The following KIZ variants were observed in gnomAD, a reference collection of about 807,000 sequenced individuals.
The protein encoded by KIZ is centrosomal protein kizuna.
KIZ carries 68 observed loss-of-function variants against 79.6 expected under a neutral mutation model. The ratio of observed to expected loss-of-function variants is 0.85; its 90% CI spans 0.70 to 1.05. The LOEUF is 1.05. Ranked by LOEUF, KIZ falls within the 50% of genes least tolerant of loss-of-function variation. The pLI, the probability that KIZ is intolerant of heterozygous loss-of-function variation, is 0.00. For missense variants in KIZ, 797 were observed against 800.4 expected, an observed-to-expected ratio of 1.00 and a Z score of 0.05; for synonymous variants, 280 against 281.8, an observed-to-expected ratio of 0.99 and a Z score of 0.06.
chr20:21,174,125 A>G (rs1285296988), intron 6 of KIZ, among the ~76,000 whole-genome samples: 3 of 152,208 alleles, frequency 2.0e-5, no homozygotes, highest in African/African-American at 7.2e-5. Flanking sequence ...CAGGTCACAG[A>G]GGTGCAGCTA....
chr20:21,163,755 G>T (rs2033804245), intron 6 of KIZ, among the ~76,000 whole-genome samples: 1 of 152,164 alleles, frequency 6.6e-6, no homozygotes, highest in African/African-American at 2.4e-5. Context: ...ATACATTTGA[G>T]AACTTATATT....
At position 21,162,068 on chromosome 20, in the gene KIZ, TA is replaced by T. The variant is rs1442315057; in HGVS notation, c.605del (p.Asn202MetfsTer2). On this transcript the variant is annotated frameshift_variant, in exon 5 of 13. Coordinates refer to ENST00000619189, the MANE Select transcript of KIZ (RefSeq NM_018474.6). LOFTEE classifies it high-confidence loss of function. ...CACACCGACAGACAGCCCAGAGCAG[TA>T]ATGTGACAGACAGCTGTGTAGTACA... ...HSHRQTAQSS[N>X]VTDSCVVQTS... 1.2e-6 allele frequency: 2 copies of T among 1,613,820 alleles called. No homozygotes were observed. The highest frequency in any genetic ancestry group is 2.2e-5 in the South Asian group (2 of 91,072).
At chr20:21,155,910 A>T (rs988438365) in intron 4 of KIZ, among the ~76,000 whole-genome samples, 2 of 152,120 alleles carry the variant, frequency 1.3e-5, no homozygotes, top group African/African-American at 4.8e-5. Flanking sequence ...TTTCCTTATT[A>T]TGATGGATTT....
intron 6 of KIZ, among the ~76,000 whole-genome samples, chr20:21,168,178 T>A (rs1478664669): frequency 1.4e-4 from 21 of 152,202 alleles, no homozygotes; most frequent in Non-Finnish European, 3.1e-4. Flanking sequence ...GTGTTTGGTT[T>A]TTTGTCCTTG....
chr20:21,209,179 A>C (rs1444241100), intron 7 of KIZ, among the ~76,000 whole-genome samples: 1 of 152,164 alleles, frequency 6.6e-6, no homozygotes, highest in African/African-American at 2.4e-5. Context: ...ATACATCATC[A>C]AAGCCGCAGA....
rs6035804 is a variant in KIZ, at chr20:21,173,632, G to T, written c.1352+10473G>T. On this transcript the variant is annotated intron_variant, in intron 6 of 12. Transcript: ENST00000619189. ...GCTGGATTCTTTATGGATTGGGTGT[G>T]GGTTATAAGAGAAAGGGAGTAGAAG... is the stretch of plus-strand genomic sequence containing the variant. Among the ~76,000 whole-genome samples, 36 of 149,058 alleles carry T rather than the reference G, an allele frequency of 2.4e-4. No individual in the cohort carries two copies. The South Asian group carries it at 4.8e-3, about 20-fold the overall frequency.
chr20:21,133,451 G>A (rs550060085), intron 2 of KIZ, among the ~76,000 whole-genome samples: 1 of 152,350 alleles, frequency 6.6e-6, no homozygotes, highest in South Asian at 2.1e-4. Flanking sequence ...AAGATTGTGT[G>A]TAGACGTTTC....
rs1214148869 is a variant in KIZ at position 21,163,233 on chromosome 20, A to G, written c.1352+74A>G. On this transcript the variant is annotated intron_variant, in intron 6 of 12. Coordinates refer to ENST00000619189, the MANE Select transcript of KIZ (RefSeq NM_018474.6). ...CATTTCTAGAGACCATTCCACTGGG[A>G]ATGTATTATCGAGCACTCAGCCATG... 12 of 1,023,964 alleles carry G rather than the reference A, an allele frequency of 1.2e-5. No individual in the cohort carries two copies. In the Admixed American group the frequency reaches 1.8e-4, roughly 15 times the overall value. The allele number at this position is 1,023,964 out of a possible 1,614,324, so 63.4% of individuals were successfully genotyped here.
At chr20:21,245,472 T>C (rs1436551762) in intron 12 of KIZ, 2 of 152,260 alleles carry the variant, frequency 1.3e-5, no homozygotes, top group Admixed American at 1.3e-4. Context: ...AATGGAAACA[T>C]TAATACTTAC....
chr20:21,183,155 G>A (rs2034730059), intron 6 of KIZ, among the ~76,000 whole-genome samples: 1 of 152,220 alleles, frequency 6.6e-6, no homozygotes, highest in Admixed American at 6.5e-5. Context: ...TGAATCTGGA[G>A]ACAACTCTAC....
Position 21,161,923 on chromosome 20 carries a change from A to G in KIZ, c.458A>G (p.Tyr153Cys), listed in dbSNP as rs1322398340. Reference protein sequence around the residue: ...NSGTAMSRGLYQPATIFMGRQ... With the variant: ...NSGTAMSRGLCQPATIFMGRQ... ...GGAACAGCCATGTCAAGAGGATTGTATCAACCAGCAACAATCTTTATGGGC... is the reference window on the plus strand; with the variant it reads ...GGAACAGCCATGTCAAGAGGATTGTGTCAACCAGCAACAATCTTTATGGGC... The change falls in exon 5 of 13, where the codon TAT becomes TGT. Residue 153 changes from tyrosine (Y) to cysteine (C), a missense_variant. Physicochemically the swap from Tyr to Cys is radical, Grantham distance 194. Transcript: ENST00000619189. 10 of 1,612,776 alleles carry G rather than the reference A, an allele frequency of 6.2e-6. No homozygotes were observed. The South Asian group carries it at 1.1e-4, about 18-fold the overall frequency.
chr20:21,199,083 G>A (rs367715644), intron 6 of KIZ, among the ~76,000 whole-genome samples: 1 of 152,136 alleles, frequency 6.6e-6, no homozygotes, highest in East Asian at 1.9e-4. Context: ...ATAATTCTCT[G>A]CGCAAACTGA....
intron 4 of KIZ, among the ~76,000 whole-genome samples, chr20:21,153,540 T>C (rs925463241): frequency 4.3e-4 from 65 of 152,180 alleles, no homozygotes; most frequent in African/African-American, 1.5e-3. Context: ...TGACTACATT[T>C]GTCATGGTGG....
chr20:21,232,941 G>A, intron 11 of KIZ, 111 bp downstream of exon 11: 1 of 645,744 alleles, frequency 1.5e-6, no homozygotes, highest in South Asian at 1.8e-5. Flanking sequence ...GGAGGGTTAT[G>A]GTTTGGGTTT....
chr20:21,175,529 A>G (rs910975), intron 6 of KIZ, among the ~76,000 whole-genome samples: 88,766 of 151,992 alleles, frequency 0.58, 27,595 homozygotes, highest in South Asian at 0.78. Flanking sequence ...CAAAGGCAGG[A>G]GTTAGATAGG....
At chr20:21,167,405 C>G (rs547830713) in intron 6 of KIZ, among the ~76,000 whole-genome samples, 1 of 151,714 alleles carries the variant, frequency 6.6e-6, no homozygotes, top group East Asian at 1.9e-4. Flanking sequence ...GCTTCCCCTC[C>G]CCTTATACCT....
chr20:21,129,381 GT>G (rs1374921809), intron 1 of KIZ, among the ~76,000 whole-genome samples: 1 of 152,160 alleles, frequency 6.6e-6, no homozygotes. Context: ...TTGGGAGGTG[GT>G]GGATTTCCAA....
intron 10 of KIZ, among the ~76,000 whole-genome samples, chr20:21,230,156 A>T (rs991099619): frequency 6.6e-6 from 1 of 152,194 alleles, no homozygotes; most frequent in Non-Finnish European, 1.5e-5. Flanking sequence ...CCCAGTCCAT[A>T]TTCAGATTTC....
intron 4 of KIZ, among the ~76,000 whole-genome samples, chr20:21,154,750 C>T (rs2033291096): frequency 6.6e-6 from 1 of 152,194 alleles, no homozygotes; most frequent in African/African-American, 2.4e-5. Flanking sequence ...TTTTCAGCTT[C>T]CCTGGCTCAG....
Sources: gnomAD v4.1 joint callset for allele counts (sites outside exome capture counted in the v4.1 genomes callset) on GRCh38, gnomAD v4.1.1 for gene constraint, MANE v1.5 for transcripts, NCBI Gene and HGNC (gene_info 2026-07-23, HGNC 2026-07-21) for gene names.